CEMIP: variants seen among roughly 807,000 people sequenced by gnomAD.
CEMIP encodes cell migration inducing hyaluronidase 1, also known as cell migration-inducing and hyaluronan-binding protein.
Under a neutral mutation model 156.9 loss-of-function variants are expected in CEMIP, and 105 were observed. That is an observed-to-expected ratio of 0.67 (90% CI 0.57 to 0.79). The LOEUF is 0.79. CEMIP is among the 30% of genes least tolerant of loss of function. The probability of loss-of-function intolerance (pLI) is 0.00; values close to 1 mark genes in which losing one functional copy is unlikely to be tolerated. For missense variants in CEMIP, 1,457 were observed against 1,769.4 expected, an observed-to-expected ratio of 0.82 and a Z score of 3.17; for synonymous variants, 676 against 668.4, an observed-to-expected ratio of 1.01 and a Z score of -0.17.
chr15:80,872,287 G>A (rs898018315), intron 1 of CEMIP, among the ~76,000 whole-genome samples: 26 of 152,290 alleles, frequency 1.7e-4, no homozygotes, highest in African/African-American at 2.6e-4. Flanking sequence ...GAGAAATTGC[G>A]GAGATGGCAT....
At chr15:80,941,804 G>C (rs1596210018) in intron 25 of CEMIP, 45 bp from the exon 26 acceptor site, 1 of 1,573,484 alleles carries the variant, frequency 6.4e-7, no homozygotes, top group East Asian at 2.2e-5. Flanking sequence ...GAAGAGGGAG[G>C]TTTGAGTGTC....
chr15:80,882,566 T>C (rs1434318811), intron 6 of CEMIP, among the ~76,000 whole-genome samples: 2 of 152,254 alleles, frequency 1.3e-5, no homozygotes, highest in African/African-American at 4.8e-5. Context: ...ACAGTGTTAC[T>C]TGAAGAGATC....
intron 14 of CEMIP, among the ~76,000 whole-genome samples, chr15:80,915,216 T>C (rs1347711363): frequency 1.3e-5 from 2 of 152,214 alleles, no homozygotes; most frequent in Non-Finnish European, 2.9e-5. Context: ...TGTGGCTAAT[T>C]TGTTAGTCCT....
chr15:80,799,963 C>T (rs1364920866), intron 1 of CEMIP, among the ~76,000 whole-genome samples: 3 of 151,782 alleles, frequency 2.0e-5, no homozygotes, highest in African/African-American at 7.3e-5. Flanking sequence ...ATCCTTCTGC[C>T]TCTCAGCCTC....
intron 1 of CEMIP, among the ~76,000 whole-genome samples, chr15:80,809,459 T>C (rs1896603849): frequency 6.6e-6 from 1 of 152,262 alleles, no homozygotes; most frequent in Admixed American, 6.5e-5. Context: ...CAATTCAGTT[T>C]CTATAAAGTG....
intron 1 of CEMIP, among the ~76,000 whole-genome samples, chr15:80,820,429 A>G (rs992164295): frequency 6.6e-6 from 1 of 152,174 alleles, no homozygotes; most frequent in African/African-American, 2.4e-5. Flanking sequence ...GGGTCTTCTT[A>G]GCTTAGGAAC....
At chr15:80,905,588 G>T (rs553134780) in intron 12 of CEMIP, among the ~76,000 whole-genome samples, 1 of 152,274 alleles carries the variant, frequency 6.6e-6, no homozygotes, top group African/African-American at 2.4e-5. Context: ...AAACAGAGGG[G>T]TTAGGTGCAG....
At chr15:80,831,900 T>C (rs1336412848) in intron 1 of CEMIP, among the ~76,000 whole-genome samples, 1 of 152,216 alleles carries the variant, frequency 6.6e-6, no homozygotes, top group Non-Finnish European at 1.5e-5. Flanking sequence ...CTTCCTCACG[T>C]TGATCTGTGT....
rs138422286 is a variant in CEMIP at position 80,913,714 on chromosome 15, T to C, written c.1797+4408T>C. 2.1e-3 allele frequency among the ~76,000 whole-genome samples: 320 copies of C among 152,362 alleles called. 1 individual carries two copies. Among genetic ancestry groups the C allele is most frequent in the African/African-American group, 7.1e-3 (295 of 41,580 alleles). ...TGCCTCTGTATCTAACTGTGTTCTG[T>C]GTAAACATCGCTGGTTCTGTGAGAT... is the stretch of plus-strand genomic sequence containing the variant. On this transcript the variant is annotated intron_variant, in intron 14 of 29. Coordinates refer to ENST00000394685, the MANE Select transcript of CEMIP (RefSeq NM_001293298.2).
chr15:80,782,525 A>T (rs915232872), intron 1 of CEMIP, among the ~76,000 whole-genome samples: 5 of 152,174 alleles, frequency 3.3e-5, no homozygotes, highest in African/African-American at 1.2e-4. Context: ...GGTAGACATC[A>T]CTAATACATG....
intron 3 of CEMIP, among the ~76,000 whole-genome samples, chr15:80,878,308 T>C (rs1291006552): frequency 6.6e-6 from 1 of 152,202 alleles, no homozygotes; most frequent in East Asian, 1.9e-4. Flanking sequence ...AAGGTCTAAT[T>C]CTCATGCAGA....
chr15:80,948,877 A>G lies in CEMIP; in HGVS notation c.4039A>G (p.Ile1347Val). ...GGACACTGAGGATCACAAAGCCAAA[A>G]TCTTCCAAGTTGTGCCCATCCCTGT... ...TLDTEDHKAK[I>V]FQVVPIPVVK... The change falls in exon 30 of 30, where the codon ATC (isoleucine) becomes GTC (valine). Residue 1347 changes from isoleucine (I) to valine (V), a missense_variant. Ile to Val is a conservative substitution (Grantham distance 29). Coordinates refer to ENST00000394685, the MANE Select transcript of CEMIP (RefSeq NM_001293298.2). 6.2e-7 allele frequency: 1 copy of G among 1,614,220 alleles called. No individual in the cohort carries two copies. The highest frequency in any genetic ancestry group is 8.5e-7 in the Non-Finnish European group (1 of 1,180,034).
chr15:80,927,044 T>C (rs1900718310), intron 19 of CEMIP, among the ~76,000 whole-genome samples: 1 of 152,196 alleles, frequency 6.6e-6, no homozygotes, highest in South Asian at 2.1e-4. Flanking sequence ...TTGGCCAGGC[T>C]GGTCGCAAGC....
At chr15:80,904,098 G>T (rs150391123) in intron 12 of CEMIP, among the ~76,000 whole-genome samples, 1 of 152,302 alleles carries the variant, frequency 6.6e-6, no homozygotes, top group East Asian at 1.9e-4. Flanking sequence ...CAGCTTCCAC[G>T]TGTGGTGTCC....
chr15:80,930,422 G>A lies in CEMIP; in HGVS notation c.2612+1248G>A, dbSNP rs115629818. 8.3e-3 allele frequency among the ~76,000 whole-genome samples: 1,257 copies of A among 152,324 alleles called. 20 individuals are homozygous for A. The highest frequency in any genetic ancestry group is 0.029 in the African/African-American group (1,202 of 41,578). ...TGTTTATGGAAACCTGTCAGACTGA[G>A]GCAGGTTCCTCAAATTGCATCTGCA... On this transcript the variant is annotated intron_variant, in intron 21 of 29. Coordinates refer to ENST00000394685, the MANE Select transcript of CEMIP (RefSeq NM_001293298.2).
chr15:80,830,001 TGC>T lies in CEMIP; in HGVS notation c.-175-43532_-175-43531del, dbSNP rs199685035. Among the ~76,000 whole-genome samples the T allele has an allele frequency of 5.4e-4, 44 of 81,496 alleles. 2 individuals are homozygous for T. The highest frequency in any genetic ancestry group is 2.2e-3 in the East Asian group (5 of 2,294). 53.5% of individuals were successfully genotyped at this position (81,496 alleles called of 152,430 possible). A position where few individuals can be genotyped will look rare whatever the true frequency, so the allele number is the denominator to read the frequency against. ...GTGTGTGTGTGTGTGTGTGTGTGTG[TGC>T]GCGCATGTCCTTCCAATAAGCAACC... is the stretch of plus-strand genomic sequence containing the variant. On this transcript the variant is annotated intron_variant, in intron 1 of 29. Coordinates refer to ENST00000394685, the MANE Select transcript of CEMIP (RefSeq NM_001293298.2).
intron 12 of CEMIP, among the ~76,000 whole-genome samples, chr15:80,901,925 A>G (rs186200873): frequency 2.1e-4 from 32 of 152,212 alleles, no homozygotes; most frequent in African/African-American, 7.5e-4. Flanking sequence ...CTTGTTCCCA[A>G]AGTCTCCACC....
intron 3 of CEMIP, among the ~76,000 whole-genome samples, chr15:80,874,637 T>A (rs1294547974): frequency 6.6e-6 from 1 of 152,234 alleles, no homozygotes; most frequent in Non-Finnish European, 1.5e-5. Context: ...TCTATTTTTC[T>A]ATCTCAGCAT....
intron 1 of CEMIP, among the ~76,000 whole-genome samples, chr15:80,854,559 C>G (rs941027302): frequency 2.6e-4 from 40 of 152,350 alleles, no homozygotes; most frequent in Middle Eastern, 3.4e-3. Flanking sequence ...GCAAATCAGT[C>G]TCTGCTCTGC....
Sources: allele counts gnomAD v4.1 joint callset (sites outside exome capture counted in the v4.1 genomes callset), GRCh38; gene constraint gnomAD v4.1.1; transcripts MANE v1.5; gene names NCBI Gene and HGNC (gene_info 2026-07-23, HGNC 2026-07-21).